DSTYK: variants seen among roughly 807,000 people sequenced by gnomAD.
DSTYK encodes dual serine/threonine and tyrosine protein kinase, also known as RIP-homologous kinase.
DSTYK carries 34 observed loss-of-function variants against 98.7 expected under a neutral mutation model. The ratio of observed to expected loss-of-function variants is 0.34; its 90% CI spans 0.26 to 0.46. DSTYK has a LOEUF of 0.46. DSTYK is among the 20% of genes least tolerant of loss of function. The pLI is 1.00. For missense variants in DSTYK, 962 were observed against 1,181.7 expected (o/e 0.81, Z 2.73); for synonymous variants, 462 against 457.3 (o/e 1.01, Z -0.13).
At position 205,161,287 on chromosome 1, in the gene DSTYK, C is replaced by A; in HGVS notation, c.1919G>T (p.Ser640Ile). 1 of 1,614,126 alleles carries A rather than the reference C, an allele frequency of 6.2e-7. No homozygotes were observed. The highest frequency in any genetic ancestry group is 8.5e-7 in the Non-Finnish European group (1 of 1,179,980). ...AAGCAAGACATCCTGTAAAGAACAG[C>A]TTTCCAGAGAAAGGCGGGCCAGGCG... ...APRLARLSLE[S>I]CSLQDVLLHR... Residue 640 changes from serine (S) to isoleucine (I), a missense_variant, in exon 7 of 13, where the codon AGC becomes ATC. Ser to Ile is a moderately radical substitution (Grantham distance 142). This residue lies in a region of DSTYK where 660 missense variants were observed against 855.0 expected (regional missense o/e 0.77). Coordinates refer to ENST00000367162, the MANE Select transcript of DSTYK (RefSeq NM_015375.3).
At chr1:205,167,998 C>T (rs1474538882) in intron 3 of DSTYK, among the ~76,000 whole-genome samples, 2 of 152,048 alleles carry the variant, frequency 1.3e-5, no homozygotes, top group African/African-American at 2.4e-5. Flanking sequence ...CCCAGTTACT[C>T]GGGAGGCTGA....
At chr1:205,196,645 TGAGAAACAG>T (rs1393121629) in intron 1 of DSTYK, among the ~76,000 whole-genome samples, 1 of 151,956 alleles carries the variant, frequency 6.6e-6, no homozygotes, top group African/African-American at 2.4e-5. Context: ...GGAGGTTTTT[TGAGAAACAG>T]GGTATCAGTG....
At chr1:205,154,006 GC>G (rs1657483692) in intron 10 of DSTYK, among the ~76,000 whole-genome samples, 1 of 150,260 alleles carries the variant, frequency 6.7e-6, no homozygotes, top group East Asian at 2.0e-4. Flanking sequence ...AAGCCACTGT[GC>G]CTGGCCTTGT....
At chr1:205,153,465 C>T (rs996106190) in intron 10 of DSTYK, among the ~76,000 whole-genome samples, 1 of 152,070 alleles carries the variant, frequency 6.6e-6, no homozygotes, top group Admixed American at 6.6e-5. Flanking sequence ...AACATGACAA[C>T]AAAATATACT....
intron 1 of DSTYK, among the ~76,000 whole-genome samples, chr1:205,192,802 T>G (rs927937584): frequency 6.6e-6 from 1 of 152,120 alleles, no homozygotes; most frequent in East Asian, 1.9e-4. Context: ...GCAGAGGTTG[T>G]AGTGAGCCGA....
At chr1:205,180,858 A>G (rs1202386600) in intron 2 of DSTYK, among the ~76,000 whole-genome samples, 1 of 152,224 alleles carries the variant, frequency 6.6e-6, no homozygotes, top group Non-Finnish European at 1.5e-5. Flanking sequence ...CTTCATAGGT[A>G]TATTAGCCTA....
intron 1 of DSTYK, among the ~76,000 whole-genome samples, chr1:205,205,283 C>T (rs1335623529): frequency 6.6e-6 from 1 of 152,042 alleles, no homozygotes; most frequent in Non-Finnish European, 1.5e-5. Flanking sequence ...CTTCTCCCCA[C>T]CCCTAAGCCC....
Position 205,160,111 on chromosome 1 carries a change from C to T in DSTYK, c.2105+3G>A, listed in dbSNP as rs1574755346. 1 of 1,614,038 alleles carries T rather than the reference C, an allele frequency of 6.2e-7. No individual in the cohort carries two copies. Among genetic ancestry groups the T allele is most frequent in the Non-Finnish European group, 8.5e-7 (1 of 1,179,942 alleles). On this transcript the variant is annotated splice_donor_region_variant and intron_variant, in intron 8 of 12. Transcript: ENST00000367162. ...CATAGAGATGAATGAGGCCAGGACCCACCTCATATAGTGAAATTCCAAAGC... is the reference window on the plus strand; with the variant it reads ...CATAGAGATGAATGAGGCCAGGACCTACCTCATATAGTGAAATTCCAAAGC...
chr1:205,157,533 G>C (rs1181301191), intron 9 of DSTYK, 147 bp from the exon 10 acceptor site: 11 of 565,256 alleles, frequency 1.9e-5, no homozygotes, highest in Admixed American at 9.7e-5. Flanking sequence ...CCAGCACTTA[G>C]GGAGGCCAAG....
At chr1:205,177,851 A>G (rs940748084) in intron 2 of DSTYK, among the ~76,000 whole-genome samples, 1 of 151,102 alleles carries the variant, frequency 6.6e-6, no homozygotes, top group African/African-American at 2.4e-5. Context: ...TGGGAGACAG[A>G]GCGAGACTTC....
At chr1:205,168,036 G>A (rs746323245) in intron 3 of DSTYK, among the ~76,000 whole-genome samples, 16 of 152,172 alleles carry the variant, frequency 1.1e-4, no homozygotes, top group Non-Finnish European at 2.4e-4. Context: ...AACCCAGGAG[G>A]CGGAGGTTGC....
In DSTYK at chr1:205,187,517, C is replaced by T. The variant is rs1472335432; in HGVS notation, c.555G>A (p.Glu185=). 3 of 1,614,082 alleles carry T rather than the reference C, an allele frequency of 1.9e-6. No homozygotes were observed. The South Asian group carries it at 3.3e-5, about 18-fold the overall frequency. The change falls in exon 2 of 13, where the codon GAG becomes GAA. Residue 185 remains glutamate, a synonymous_variant. Coordinates refer to ENST00000367162, the MANE Select transcript of DSTYK (RefSeq NM_015375.3). The part of the protein sequence containing the change: ...HTLVAHQGNW[E]TIPEEDLEVQ... ...CCTCCAGATCCTCCTCAGGGATGGTCTCCCAGTTGCCCTGATGAGCAACCA... is the reference window on the plus strand; with the variant it reads ...CCTCCAGATCCTCCTCAGGGATGGTTTCCCAGTTGCCCTGATGAGCAACCA...
At position 205,169,651 on chromosome 1, in the gene DSTYK, A is replaced by G. The variant is rs1574766868; in HGVS notation, c.836T>C (p.Phe279Ser). 6.2e-7 allele frequency: 1 copy of G among 1,614,194 alleles called. No homozygotes were observed. The highest frequency in any genetic ancestry group is 8.5e-7 in the Non-Finnish European group (1 of 1,180,032). The change falls in exon 3 of 13, where the codon TTC (phenylalanine) becomes TCC (serine). Residue 279 changes from phenylalanine (F) to serine (S), a missense_variant. Physicochemically the swap from Phe to Ser is radical, Grantham distance 155. Around this residue, in one of 4 missense-constraint regions of DSTYK, gnomAD observed 660 missense variants for 855.0 expected, o/e 0.77. Transcript: ENST00000367162. This position sits in a 1 kb window ranked among gnomAD's most constrained non-coding sequence, Gnocchi z 4.0. ...CTCCGAGCCCAGTTTCGGCACTTTG[A>G]AAAAGAATACAGGAAAGGAGAAATA... ...RKYFSFPVFFFKVPKLGSEII... is the reference protein window; with the variant it reads ...RKYFSFPVFFSKVPKLGSEII...
At chr1:205,202,038 C>T (rs1015357607) in intron 1 of DSTYK, among the ~76,000 whole-genome samples, 6 of 139,806 alleles carry the variant, frequency 4.3e-5, no homozygotes, top group African/African-American at 7.9e-5. Flanking sequence ...CCAGCCTGGG[C>T]ATCAGGAAAG....
intron 12 of DSTYK, 71 bp from the exon 13 acceptor site, chr1:205,147,816 C>T: frequency 1.3e-6 from 2 of 1,497,974 alleles, no homozygotes; most frequent in East Asian, 2.3e-5. Context: ...ATGACCAGCT[C>T]AAAGGCTGAC....
intron 2 of DSTYK, among the ~76,000 whole-genome samples, chr1:205,185,598 G>A (rs373521888): frequency 2.0e-5 from 3 of 152,296 alleles, no homozygotes; most frequent in South Asian, 4.1e-4. Context: ...AAATGAAGTC[G>A]AAGAGAGAAG....
chr1:205,187,611 C>T lies in DSTYK; in HGVS notation c.461G>A (p.Arg154His), dbSNP rs141159612. 1.7e-4 allele frequency: 272 copies of T among 1,614,116 alleles called. 2 individuals are homozygous for T. The African/African-American group carries it at 3.1e-3, about 18-fold the overall frequency. The change falls in exon 2 of 13, where the codon CGC becomes CAC. Residue 154 changes from arginine to histidine, a missense_variant. Coordinates refer to ENST00000367162, the MANE Select transcript of DSTYK (RefSeq NM_015375.3). ...SEESCKLRRL[R>H]FTYGTQTRVS... is the part of the protein sequence containing the mutation. ...CCGAGTCTGAGTCCCATAGGTGAAG[C>T]GGAGGCGCCGAAGCTTACAGCTCTC... is the stretch of plus-strand genomic sequence containing the variant.
Position 205,150,123 on chromosome 1 carries a change from A to G in DSTYK, c.2467+557T>C, listed in dbSNP as rs1004557077. 1.3e-5 allele frequency among the ~76,000 whole-genome samples: 2 copies of G among 152,210 alleles called. No individual in the cohort carries two copies. Among genetic ancestry groups the G allele is most frequent in the Admixed American group, 1.3e-4 (2 of 15,282 alleles). ...CTACCCATACTGCTTAGGTCAAGGTATATACTTAATAAATGAGTTCCCTTC... is the reference window on the plus strand; with the variant it reads ...CTACCCATACTGCTTAGGTCAAGGTGTATACTTAATAAATGAGTTCCCTTC... On this transcript the variant is annotated intron_variant, in intron 11 of 12. Transcript: ENST00000367162. The surrounding 1 kb of genome is among the most constrained non-coding windows in gnomAD (Gnocchi z 4.1).
Position 205,155,653 on chromosome 1 carries a change from A to T in DSTYK, c.2352+1620T>A, listed in dbSNP as rs565967328. ...AGCCTGGGCAACAGAGCGAGACTCC[A>T]TCTCAAAAAAATTTTTAAAAAAAAG... On this transcript the variant is annotated intron_variant, in intron 10 of 12. Coordinates refer to ENST00000367162, the MANE Select transcript of DSTYK (RefSeq NM_015375.3). 5.9e-5 allele frequency among the ~76,000 whole-genome samples: 9 copies of T among 151,830 alleles called. 1 individual carries two copies. The South Asian group carries it at 1.5e-3, about 25-fold the overall frequency.
Sources: allele counts gnomAD v4.1 joint callset (sites outside exome capture counted in the v4.1 genomes callset), GRCh38; gene constraint gnomAD v4.1.1; regional missense constraint gnomAD v4.1.1; non-coding constraint Gnocchi (gnomAD v3.1); transcripts MANE v1.5; gene names NCBI Gene and HGNC (gene_info 2026-07-23, HGNC 2026-07-21).